The following ABI3BP variants were observed in gnomAD, a reference collection of about 807,000 sequenced individuals.
ABI3BP encodes target of Nesh-SH3.
A neutral mutation model predicts 268.6 loss-of-function variants in ABI3BP; 216 were observed. That is an observed-to-expected ratio of 0.80 (90% confidence interval 0.72 to 0.90). ABI3BP has a LOEUF of 0.90. Ranked by LOEUF, ABI3BP falls within the 40% of genes least tolerant of loss-of-function variation. The pLI is 0.00. For missense variants in ABI3BP, 2,090 were observed against 2,182.4 expected (o/e 0.96, Z 0.84); for synonymous variants, 730 against 730.0 (o/e 1.00, Z 0.00).
chr3:100,823,958 C>A (rs889539156), intron 36 of ABI3BP, among the ~76,000 whole-genome samples: 7 of 152,106 alleles, frequency 4.6e-5, no homozygotes, highest in African/African-American at 1.7e-4. Context: ...AAAAAGTAAT[C>A]ATTGAAGTGG....
At chr3:100,882,453 T>C (rs1415602869) in intron 6 of ABI3BP, among the ~76,000 whole-genome samples, 1 of 146,550 alleles carries the variant, frequency 6.8e-6, no homozygotes, top group African/African-American at 2.5e-5. Flanking sequence ...ATAATATATA[T>C]ATATATATTT....
At chr3:100,962,286 C>T (rs1422258783) in intron 1 of ABI3BP, among the ~76,000 whole-genome samples, 3 of 152,156 alleles carry the variant, frequency 2.0e-5, no homozygotes, top group African/African-American at 7.2e-5. Flanking sequence ...CCTCTCCTTT[C>T]TTGTTCTGCA....
intron 2 of ABI3BP, among the ~76,000 whole-genome samples, chr3:100,919,019 T>C (rs1171966728): frequency 6.6e-6 from 1 of 152,230 alleles, no homozygotes; most frequent in Non-Finnish European, 1.5e-5. Flanking sequence ...GTATCGAGTC[T>C]GATATTCACC....
intron 49 of ABI3BP, among the ~76,000 whole-genome samples, chr3:100,809,107 A>G (rs1356864532): frequency 3.3e-5 from 5 of 152,030 alleles, no homozygotes; most frequent in Admixed American, 6.6e-5. Context: ...AAGGTATACA[A>G]TGGTTTCAGT....
intron 1 of ABI3BP, among the ~76,000 whole-genome samples, chr3:100,975,910 T>C (rs1028297704): frequency 6.6e-6 from 1 of 152,158 alleles, no homozygotes. Context: ...TGACCTGTAT[T>C]ATCCAAGCAA....
chr3:100,989,416 G>A (rs1484801318), intron 1 of ABI3BP, among the ~76,000 whole-genome samples: 1 of 152,110 alleles, frequency 6.6e-6, no homozygotes, highest in Non-Finnish European at 1.5e-5. Flanking sequence ...AATAATAATG[G>A]TAATAGTTAT....
At chr3:100,835,492 G>T in intron 28 of ABI3BP, 109 bp downstream of exon 28, 2 of 786,068 alleles carry the variant, frequency 2.5e-6, no homozygotes, top group Non-Finnish European at 3.9e-6. Context: ...ATGACAAGAG[G>T]ATGATGAGAA....
At chr3:100,912,441 T>G (rs959483157) in intron 2 of ABI3BP, among the ~76,000 whole-genome samples, 1 of 152,126 alleles carries the variant, frequency 6.6e-6, no homozygotes, top group African/African-American at 2.4e-5. Flanking sequence ...ATAGACTGAT[T>G]TGCAGTAGAA....
At position 100,834,669 on chromosome 3, in the gene ABI3BP, C is replaced by G. The variant is rs1008340897; in HGVS notation, c.2281+15G>C. ...AATGGGATGCCACAGGGACAAGGAACCACATATTATTTACCTAGTTTGGTC... is the reference window on the plus strand; with the variant it reads ...AATGGGATGCCACAGGGACAAGGAAGCACATATTATTTACCTAGTTTGGTC... On this transcript the variant is annotated intron_variant, in intron 29 of 67. Transcript: ENST00000471714. 3 of 1,534,556 alleles carry G rather than the reference C, an allele frequency of 2.0e-6. No homozygotes were observed. The highest frequency in any genetic ancestry group is 2.7e-5 in the African/African-American group (2 of 73,068).
At position 100,898,880 on chromosome 3, in the gene ABI3BP, G is replaced by A. The variant is rs368973215; in HGVS notation, c.343C>T (p.Arg115Cys). 5.3e-5 allele frequency: 85 copies of A among 1,610,362 alleles called. No individual in the cohort carries two copies. The highest frequency in any genetic ancestry group is 1.0e-4 in the Admixed American group (6 of 59,424). ...CCAACCACCAGCTGCAGAGGTTTGC[G>A]AGAACGAGTTTTACCTGTGGAGGTG... ...KKSCSGKTRS[R>C]KPLQLVVGTL... Residue 115 changes from arginine to cysteine, a missense_variant, in exon 4 of 68, where the codon CGC becomes TGC. Coordinates refer to ENST00000471714, the MANE Select transcript of ABI3BP (RefSeq NM_001375547.2).
intron 36 of ABI3BP, 56 bp downstream of exon 36, chr3:100,824,802 C>A: frequency 7.0e-7 from 1 of 1,428,128 alleles, no homozygotes; most frequent in Non-Finnish European, 9.5e-7. Flanking sequence ...CTGCTTCAGT[C>A]CCCACTGCGA....
chr3:100,938,485 G>A (rs2067298210), intron 1 of ABI3BP, among the ~76,000 whole-genome samples: 1 of 152,104 alleles, frequency 6.6e-6, no homozygotes. Flanking sequence ...TAATTTCCCT[G>A]TGACAATGAA....
chr3:100,894,769 C>A (rs2046432685), intron 4 of ABI3BP, among the ~76,000 whole-genome samples: 1 of 151,424 alleles, frequency 6.6e-6, no homozygotes. Context: ...GAAACCCCAC[C>A]TGTACTAAAA....
chr3:100,768,417 AT>A (rs557079171), intron 62 of ABI3BP, among the ~76,000 whole-genome samples: 3 of 152,098 alleles, frequency 2.0e-5, no homozygotes, highest in Admixed American at 6.5e-5. Flanking sequence ...TGATTTAATA[AT>A]TTTTTTTATG....
Position 100,816,771 on chromosome 3 carries a change from G to A in ABI3BP, c.3149-3C>T. ...ACGTGTCCGTTGTGTTTTAGGAGCT[G>A]AAGGAAGAAACTTTGGATTACTCTA... On this transcript the variant is annotated splice_region_variant and splice_polypyrimidine_tract_variant and intron_variant, in intron 42 of 67. Coordinates refer to ENST00000471714, the MANE Select transcript of ABI3BP (RefSeq NM_001375547.2). 3 of 1,535,664 alleles carry A rather than the reference G, an allele frequency of 2.0e-6. No homozygotes were observed. The highest frequency in any genetic ancestry group is 2.6e-6 in the Non-Finnish European group (3 of 1,146,530).
chr3:100,881,266 G>A, intron 6 of ABI3BP, among the ~76,000 whole-genome samples: 1 of 152,100 alleles, frequency 6.6e-6, no homozygotes. Flanking sequence ...ATAAAGTGTG[G>A]GTGGGGACCA....
intron 4 of ABI3BP, among the ~76,000 whole-genome samples, chr3:100,893,897 A>C (rs1337322486): frequency 6.6e-6 from 1 of 152,194 alleles, no homozygotes; most frequent in East Asian, 1.9e-4. Context: ...GTCTGAAGTC[A>C]GAATTGTGTT....
intron 2 of ABI3BP, among the ~76,000 whole-genome samples, chr3:100,920,091 T>C (rs2059790983): frequency 1.3e-5 from 2 of 152,226 alleles, no homozygotes; most frequent in African/African-American, 4.8e-5. Context: ...TACTTGGGTA[T>C]GATAGATGGG....
chr3:100,908,897 G>GA (rs1356805559), intron 2 of ABI3BP, among the ~76,000 whole-genome samples: 5 of 152,052 alleles, frequency 3.3e-5, no homozygotes, highest in Admixed American at 2.0e-4. Flanking sequence ...CACGGAATTG[G>GA]AAAAAACTAC....
Sources: allele counts gnomAD v4.1 joint callset (sites outside exome capture counted in the v4.1 genomes callset), GRCh38; gene constraint gnomAD v4.1.1; transcripts MANE v1.5; gene names NCBI Gene and HGNC (gene_info 2026-07-23, HGNC 2026-07-21).